Variants in GPC6 observed in about 807,000 individuals in gnomAD.
GPC6 encodes glypican-6.
A neutral mutation model predicts 55.2 loss-of-function variants in GPC6; 14 were observed. The observed-to-expected ratio is 0.25, with a 90% CI of 0.17 to 0.40. The LOEUF (loss-of-function observed/expected upper bound fraction) is 0.40. GPC6 is among the 10% of genes least tolerant of loss of function. The probability of loss-of-function intolerance (pLI) is 1.00; values close to 1 mark genes in which losing one functional copy is unlikely to be tolerated. For missense variants in GPC6, 641 were observed against 708.5 expected (o/e 0.90, Z 1.08); for synonymous variants, 278 against 259.6 (o/e 1.07, Z -0.68).
Position 93,720,155 on chromosome 13 carries a change from T to C in GPC6, c.320-109999T>C, listed in dbSNP as rs568523023. ...TTGTTTGGAGTAGTTTCAGAAGGAA[T>C]GGTACCAGCTCCTTTTTGTACTTTT... On this transcript the variant is annotated intron_variant, in intron 2 of 8. Coordinates refer to ENST00000377047, the MANE Select transcript of GPC6 (RefSeq NM_005708.5). Among the ~76,000 whole-genome samples the C allele has an allele frequency of 1.1e-3, 166 of 152,258 alleles. 1 individual carries two copies. Among genetic ancestry groups the C allele is most frequent in the Middle Eastern group, 3.4e-3 (1 of 294 alleles).
chr13:94,018,272 G>A (rs1424891561), intron 3 of GPC6, among the ~76,000 whole-genome samples: 1 of 151,276 alleles, frequency 6.6e-6, no homozygotes, highest in Non-Finnish European at 1.5e-5. Context: ...AATCTCATTT[G>A]GTTAGTGTGT....
At chr13:94,138,788 G>A (rs1408199374) in intron 4 of GPC6, among the ~76,000 whole-genome samples, 2 of 152,098 alleles carry the variant, frequency 1.3e-5, no homozygotes, top group Non-Finnish European at 2.9e-5. Flanking sequence ...AATGACAATA[G>A]CGACAAGGAT....
intron 2 of GPC6, among the ~76,000 whole-genome samples, chr13:93,814,221 G>T (rs7330202): frequency 6.6e-6 from 1 of 151,856 alleles, no homozygotes; most frequent in African/African-American, 2.4e-5. Context: ...TTTATACAGC[G>T]CTTATTCTAG....
chr13:93,434,591 T>C (rs1877495446), intron 1 of GPC6, among the ~76,000 whole-genome samples: 1 of 152,174 alleles, frequency 6.6e-6, no homozygotes, highest in Non-Finnish European at 1.5e-5. Context: ...TTTAGCTTGA[T>C]TCTCTTAATA....
intron 2 of GPC6, among the ~76,000 whole-genome samples, chr13:93,646,900 A>G (rs1037480901): frequency 6.6e-6 from 1 of 152,102 alleles, no homozygotes; most frequent in Non-Finnish European, 1.5e-5. Flanking sequence ...CTTGAAAAGC[A>G]AAGTAGAAGT....
At chr13:93,639,345 T>C (rs1319035973) in intron 2 of GPC6, among the ~76,000 whole-genome samples, 3 of 151,760 alleles carry the variant, frequency 2.0e-5, no homozygotes, top group African/African-American at 7.3e-5. Flanking sequence ...TGCAGTGGGG[T>C]TGGAGGAGTT....
At chr13:93,766,016 C>T (rs1349640776) in intron 2 of GPC6, among the ~76,000 whole-genome samples, 1 of 152,176 alleles carries the variant, frequency 6.6e-6, no homozygotes, top group East Asian at 1.9e-4. Flanking sequence ...TAGTAGATAC[C>T]TTGACCTTTG....
At chr13:93,256,025 A>C (rs988039222) in intron 1 of GPC6, among the ~76,000 whole-genome samples, 11 of 151,914 alleles carry the variant, frequency 7.2e-5, no homozygotes, top group African/African-American at 2.7e-4. Flanking sequence ...TCCCAATTGC[A>C]ATTGCTAGGG....
chr13:93,825,596 C>T (rs1158128018), intron 2 of GPC6, among the ~76,000 whole-genome samples: 2 of 152,184 alleles, frequency 1.3e-5, no homozygotes, highest in Non-Finnish European at 1.5e-5. Context: ...GTGGGTCTCC[C>T]TTCATTAACG....
At chr13:94,014,786 T>C (rs1020958661) in intron 3 of GPC6, among the ~76,000 whole-genome samples, 7 of 152,232 alleles carry the variant, frequency 4.6e-5, no homozygotes, top group Non-Finnish European at 8.8e-5. Flanking sequence ...AATGGAATCA[T>C]ACAATATATG....
At chr13:94,301,583 G>A (rs1875654607) in intron 5 of GPC6, among the ~76,000 whole-genome samples, 1 of 152,078 alleles carries the variant, frequency 6.6e-6, no homozygotes, top group East Asian at 1.9e-4. Flanking sequence ...CTGTTTTTCT[G>A]CCTTACATAT....
At position 94,398,639 on chromosome 13, in the gene GPC6, CAAGT is replaced by C; in HGVS notation, c.1465+2_1465+5del. ...GGCAATGATGTCAATTTCCAGGACA[CAAGT>C]AAGAAAATCCTTCCCAGCACCAGAA... is the stretch of plus-strand genomic sequence containing the variant. On this transcript the variant is annotated splice_donor_variant and coding_sequence_variant, in exon 8 of 9. Coordinates refer to ENST00000377047, the MANE Select transcript of GPC6 (RefSeq NM_005708.5). LOFTEE classifies it high-confidence loss of function. 1.2e-6 allele frequency: 2 copies of C among 1,613,782 alleles called. No homozygotes were observed. Among genetic ancestry groups the C allele is most frequent in the Non-Finnish European group, 1.7e-6 (2 of 1,179,716 alleles).
intron 2 of GPC6, among the ~76,000 whole-genome samples, chr13:93,736,983 T>C (rs938095005): frequency 6.6e-6 from 1 of 152,222 alleles, no homozygotes; most frequent in Non-Finnish European, 1.5e-5. Context: ...ATAAAAGGCA[T>C]GAGGAAATGA....
At chr13:93,688,763 G>C (rs1290015210) in intron 2 of GPC6, among the ~76,000 whole-genome samples, 2 of 152,050 alleles carry the variant, frequency 1.3e-5, no homozygotes, top group Non-Finnish European at 2.9e-5. Context: ...ATAAAGTGCT[G>C]AGGGGAGGGC....
At chr13:93,899,276 A>T (rs1023294089) in intron 3 of GPC6, among the ~76,000 whole-genome samples, 2 of 152,002 alleles carry the variant, frequency 1.3e-5, no homozygotes, top group Non-Finnish European at 2.9e-5. Context: ...GACAAATAAG[A>T]TATGTTTGAC....
chr13:94,298,730 C>A (rs184291782), intron 5 of GPC6, among the ~76,000 whole-genome samples: 33 of 152,330 alleles, frequency 2.2e-4, no homozygotes, highest in Admixed American at 7.2e-4. Flanking sequence ...TTTGGCTTTG[C>A]TTTAATTTAG....
chr13:93,949,857 G>A lies in GPC6; in HGVS notation c.712-77872G>A, dbSNP rs547016852. ...TCCTCCCACCTCAGCCTCCCAAGTA[G>A]CTGGGACTACGACTGCATACCACCA... is the stretch of plus-strand genomic sequence containing the variant. On this transcript the variant is annotated intron_variant, in intron 3 of 8. Transcript: ENST00000377047. Among the ~76,000 whole-genome samples, 250 of 152,134 alleles carry A rather than the reference G, an allele frequency of 1.6e-3. 3 individuals are homozygous for A. Among genetic ancestry groups the A allele is most frequent in the Non-Finnish European group, 2.8e-3 (190 of 68,006 alleles).
intron 1 of GPC6, among the ~76,000 whole-genome samples, chr13:93,424,218 G>T (rs939878855): frequency 3.3e-5 from 5 of 152,086 alleles, no homozygotes; most frequent in Non-Finnish European, 5.9e-5. Flanking sequence ...CTCAGCTGGT[G>T]TCACCTCTGA....
At chr13:93,498,097 T>C (rs904748666) in intron 1 of GPC6, among the ~76,000 whole-genome samples, 1 of 152,208 alleles carries the variant, frequency 6.6e-6, no homozygotes, top group African/African-American at 2.4e-5. Context: ...CTTCAAGATA[T>C]GGAATACCAT....
Sources: allele counts gnomAD v4.1 joint callset (sites outside exome capture counted in the v4.1 genomes callset), GRCh38; gene constraint gnomAD v4.1.1; transcripts MANE v1.5; gene names NCBI Gene and HGNC (gene_info 2026-07-23, HGNC 2026-07-21).